The following DHX34 variants were observed in gnomAD, a reference collection of about 807,000 sequenced individuals.
The protein encoded by DHX34 is probable ATP-dependent RNA helicase DHX34.
A neutral mutation model predicts 111.1 loss-of-function variants in DHX34; 96 were observed. The ratio of observed to expected loss-of-function variants is 0.86; its 90% CI spans 0.73 to 1.02. The LOEUF (loss-of-function observed/expected upper bound fraction) is 1.02. Ranked by LOEUF, DHX34 falls within the 50% of genes least tolerant of loss-of-function variation. The pLI, the probability that DHX34 is intolerant of heterozygous loss-of-function variation, is 0.00. For missense variants in DHX34, 1,560 were observed against 1,579.9 expected (o/e 0.99, Z 0.21); for synonymous variants, 688 against 670.4 (o/e 1.03, Z -0.41).
chr19:47,356,254 C>T (rs769904724), intron 3 of DHX34, among the ~76,000 whole-genome samples: 5 of 152,124 alleles, frequency 3.3e-5, no homozygotes, highest in Non-Finnish European at 7.3e-5. Flanking sequence ...TCTGTATAGT[C>T]AAGACTTACA....
intron 5 of DHX34, chr19:47,362,267 CAAAAAAA>C (rs4039582): frequency 1.5e-4 from 41 of 268,388 alleles, no homozygotes; most frequent in Middle Eastern, 2.1e-3. Context: ...GACCCTGTCT[CAAAAAAA>C]AAAAAAAAAA....
intron 7 of DHX34, among the ~76,000 whole-genome samples, chr19:47,370,179 C>G (rs577659875): frequency 6.6e-6 from 1 of 152,170 alleles, no homozygotes; most frequent in African/African-American, 2.4e-5. Flanking sequence ...CCTGGTTGTG[C>G]GTGAGTGACA....
At chr19:47,356,724 C>T (rs563773319) in intron 3 of DHX34, among the ~76,000 whole-genome samples, 37 of 151,884 alleles carry the variant, frequency 2.4e-4, no homozygotes, top group African/African-American at 7.7e-4. Flanking sequence ...GAGGCCGAGG[C>T]GGGTGGATCA....
intron 5 of DHX34, 141 bp downstream of exon 5, chr19:47,360,211 C>T: frequency 1.4e-6 from 1 of 706,940 alleles, no homozygotes; most frequent in Non-Finnish European, 2.4e-6. Flanking sequence ...TGCTTGCTTG[C>T]AACCAGAAGT....
Position 47,380,073 on chromosome 19 carries a change from A to G in DHX34, c.2982+88A>G, listed in dbSNP as rs372169157. On this transcript the variant is annotated intron_variant, in intron 14 of 16. Coordinates refer to ENST00000328771, the MANE Select transcript of DHX34 (RefSeq NM_014681.6). ...GAGCCTCGGGAAGGCCTGGCTTCCC[A>G]TTCACTCCACATGGGCACATTTGGG... 3.7e-5 allele frequency: 54 copies of G among 1,475,056 alleles called. No homozygotes were observed. The African/African-American group carries it at 6.8e-4, about 18-fold the overall frequency. 91.4% of individuals were successfully genotyped at this position (1,475,056 alleles called of 1,614,324 possible).
chr19:47,359,953 C>T lies in DHX34; in HGVS notation c.1273-15C>T. On this transcript the variant is annotated splice_polypyrimidine_tract_variant and intron_variant, in intron 4 of 16. Coordinates refer to ENST00000328771, the MANE Select transcript of DHX34 (RefSeq NM_014681.6). ...CTGAGTTAGTTCCTGACACCACCCC[C>T]TCCCTTCCTCCCAGGTATTTGATGT... is the stretch of plus-strand genomic sequence containing the variant. 26 of 1,614,048 alleles carry T rather than the reference C, an allele frequency of 1.6e-5. No individual in the cohort carries two copies. Among genetic ancestry groups the T allele is most frequent in the Non-Finnish European group, 2.2e-5 (26 of 1,179,948 alleles).
At position 47,360,030 on chromosome 19, in the gene DHX34, C is replaced by T. The variant is rs149170766; in HGVS notation, c.1335C>T (p.Thr445=). ...TCCTCTCCACCAACATTGCTGAGACCTCAGTCACCATTGACGGGATCCGCT... is the reference window on the plus strand; with the variant it reads ...TCCTCTCCACCAACATTGCTGAGACTTCAGTCACCATTGACGGGATCCGCT... ...KCILSTNIAE[T]SVTIDGIRFV... The change falls in exon 5 of 17, where the codon ACC becomes ACT. Residue 445 remains threonine (T), a synonymous_variant. Transcript: ENST00000328771. 56 of 1,613,930 alleles carry T rather than the reference C, an allele frequency of 3.5e-5. No homozygotes were observed. The African/African-American group carries it at 6.7e-4, about 19-fold the overall frequency.
chr19:47,380,501 A>C (rs1970317926), intron 14 of DHX34, among the ~76,000 whole-genome samples: 1 of 151,572 alleles, frequency 6.6e-6, no homozygotes, highest in Non-Finnish European at 1.5e-5. Context: ...GAGGGGACCA[A>C]GGCTGACATG....
intron 7 of DHX34, 161 bp from the exon 8 acceptor site, chr19:47,372,569 G>C: frequency 1.0e-6 from 1 of 980,468 alleles, no homozygotes; most frequent in Non-Finnish European, 1.2e-6. Context: ...AAAGCACAGC[G>C]CGTGGGTTTG....
intron 7 of DHX34, among the ~76,000 whole-genome samples, chr19:47,368,163 C>T (rs1165587447): frequency 6.6e-6 from 1 of 150,574 alleles, no homozygotes; most frequent in East Asian, 1.9e-4. Flanking sequence ...GCAGTGGGAA[C>T]AGCCAGTACA....
intron 15 of DHX34, 46 bp downstream of exon 15, chr19:47,381,038 C>T (rs781550102): frequency 1.9e-6 from 3 of 1,542,000 alleles, no homozygotes; most frequent in Non-Finnish European, 1.7e-6. Flanking sequence ...TCAGGAAGAC[C>T]CCACCACCCC....
intron 9 of DHX34, 28 bp downstream of exon 9, chr19:47,373,728 G>C (rs1008261374): frequency 6.2e-7 from 1 of 1,606,104 alleles, no homozygotes; most frequent in Admixed American, 1.7e-5. Context: ...GGGTAAGGCC[G>C]GCCCCACTCA....
intron 3 of DHX34, 146 bp downstream of exon 3, chr19:47,355,496 C>A: frequency 7.7e-7 from 1 of 1,301,490 alleles, no homozygotes; most frequent in Non-Finnish European, 1.0e-6. Context: ...ATTTTCTGAG[C>A]ATTCATAATC....
intron 13 of DHX34, 87 bp from the exon 14 acceptor site, chr19:47,379,623 G>A: frequency 6.0e-6 from 9 of 1,509,700 alleles, no homozygotes; most frequent in Non-Finnish European, 8.0e-6. Context: ...GCTGGTGGGT[G>A]GGCAGGAGCC....
At chr19:47,377,476 T>C (rs1970206144) in intron 13 of DHX34, among the ~76,000 whole-genome samples, 1 of 139,322 alleles carries the variant, frequency 7.2e-6, no homozygotes, top group African/African-American at 2.9e-5. Context: ...GCCCCTGCCC[T>C]CTCGGGCTCT....
At chr19:47,374,436 C>CAAAAA (rs35585186) in intron 9 of DHX34, among the ~76,000 whole-genome samples, 2 of 103,640 alleles carry the variant, frequency 1.9e-5, no homozygotes, top group African/African-American at 3.4e-5. Flanking sequence ...AAACTCCACT[C>CAAAAA]AAAAAAAAAA....
intron 7 of DHX34, 180 bp from the exon 8 acceptor site, chr19:47,372,550 C>T (rs1202862454): frequency 4.1e-6 from 4 of 967,518 alleles, no homozygotes; most frequent in East Asian, 1.1e-4. Flanking sequence ...CCCATGGCCA[C>T]GTGACCAGAA....
rs1157486340 is a variant in DHX34, at chr19:47,380,898, A to G, written c.3065A>G (p.His1022Arg). 1 of 1,596,742 alleles carries G rather than the reference A, an allele frequency of 6.3e-7. No individual in the cohort carries two copies. Among genetic ancestry groups the G allele is most frequent in the Non-Finnish European group, 8.5e-7 (1 of 1,171,852 alleles). Residue 1022 changes from histidine (H) to arginine (R), a missense_variant, in exon 15 of 17, where the codon CAT becomes CGT. Transcript: ENST00000328771. ...VGPQTIPATP[H>R]LPGLFGSSTL... The stretch of plus-strand genomic sequence containing the variant: ...CCCCAGACCATCCCAGCCACCCCCC[A>G]TCTTCCTGGCCTCTTTGGCAGCTCC...
chr19:47,367,289 A>G, intron 7 of DHX34, 134 bp downstream of exon 7: 1 of 1,011,540 alleles, frequency 9.9e-7, no homozygotes, highest in Non-Finnish European at 1.3e-6. Context: ...TCACTGGGCC[A>G]GGCACTGTTC....
Sources: gnomAD v4.1 joint callset for allele counts (sites outside exome capture counted in the v4.1 genomes callset) on GRCh38, gnomAD v4.1.1 for gene constraint, MANE v1.5 for transcripts, NCBI Gene and HGNC (gene_info 2026-07-23, HGNC 2026-07-21) for gene names.